RBFOX1: variants seen among roughly 807,000 people sequenced by gnomAD.
The protein encoded by RBFOX1 is RNA binding fox-1 homolog 1.
A neutral mutation model predicts 57.7 loss-of-function variants in RBFOX1; 8 were observed. That is an observed-to-expected ratio of 0.14 (90% CI 0.08 to 0.25). The LOEUF is 0.25. Ranked by LOEUF, RBFOX1 falls within the 10% of genes least tolerant of loss-of-function variation. The pLI is 1.00. For synonymous variants in RBFOX1, 326 were observed against 222.4 expected, an observed-to-expected ratio of 1.47 and a Z score of -4.15; for missense variants, 611 against 548.5, an observed-to-expected ratio of 1.11 and a Z score of -1.14.
chr16:5,547,351 C>A (rs570680322), intron 2 of RBFOX1, among the ~76,000 whole-genome samples: 32 of 152,244 alleles, frequency 2.1e-4, no homozygotes, highest in Admixed American at 5.9e-4. Context: ...CTAGAAACCA[C>A]CCAAATGTCT....
chr16:6,054,488 A>C (rs2095590588), intron 1 of RBFOX1, among the ~76,000 whole-genome samples: 1 of 152,168 alleles, frequency 6.6e-6, no homozygotes, highest in Admixed American at 6.5e-5. Flanking sequence ...CGGCTTTGAG[A>C]GTAAATGCGA....
intron 1 of RBFOX1, among the ~76,000 whole-genome samples, chr16:6,214,203 GT>G (rs2097316365): frequency 6.6e-6 from 1 of 152,128 alleles, no homozygotes; most frequent in Non-Finnish European, 1.5e-5. Context: ...TCTCTCTCAT[GT>G]TTCCCTTCTT....
chr16:6,614,322 G>C (rs1021417536), intron 2 of RBFOX1, among the ~76,000 whole-genome samples: 3 of 152,170 alleles, frequency 2.0e-5, no homozygotes, highest in Admixed American at 2.0e-4. Flanking sequence ...CTGCCCTCCA[G>C]CCATCTTTAA....
chr16:6,005,704 C>T (rs1467735670), intron 4 of RBFOX1, among the ~76,000 whole-genome samples: 1 of 152,172 alleles, frequency 6.6e-6, no homozygotes, highest in Non-Finnish European at 1.5e-5. Flanking sequence ...GGGGGAAAAA[C>T]ATTGCCCCTG....
intron 1 of RBFOX1, among the ~76,000 whole-genome samples, chr16:6,309,843 G>A (rs916685118): frequency 6.6e-6 from 1 of 152,202 alleles, no homozygotes; most frequent in Non-Finnish European, 1.5e-5. Flanking sequence ...GCATTTAAGT[G>A]CAATGTGTAA....
chr16:6,138,004 A>G (rs1366629000), intron 1 of RBFOX1, among the ~76,000 whole-genome samples: 1 of 152,212 alleles, frequency 6.6e-6, no homozygotes, highest in South Asian at 2.1e-4. Flanking sequence ...TCACAATCCA[A>G]CTTATCAGGA....
At chr16:7,212,247 T>C (rs2091282444) in intron 4 of RBFOX1, among the ~76,000 whole-genome samples, 1 of 152,168 alleles carries the variant, frequency 6.6e-6, no homozygotes, top group South Asian at 2.1e-4. Flanking sequence ...AAGCACAAGC[T>C]ACTAAATTTT....
At chr16:6,659,206 G>C (rs1420601446) in intron 3 of RBFOX1, among the ~76,000 whole-genome samples, 56 of 148,464 alleles carry the variant, frequency 3.8e-4, no homozygotes, top group Admixed American at 3.8e-3. Context: ...GGATCAGTCA[G>C]GGGGAGAATC....
At chr16:7,202,272 C>G (rs1288329418) in intron 4 of RBFOX1, among the ~76,000 whole-genome samples, 1 of 149,550 alleles carries the variant, frequency 6.7e-6, no homozygotes, top group Non-Finnish European at 1.5e-5. Context: ...GAGATACCAC[C>G]TCACACACAT....
intron 3 of RBFOX1, among the ~76,000 whole-genome samples, chr16:6,847,575 C>T (rs1001478800): frequency 2.0e-5 from 3 of 151,588 alleles, no homozygotes; most frequent in Non-Finnish European, 4.4e-5. Flanking sequence ...CATGGTCAGT[C>T]GCTGAAAAGT....
At chr16:7,477,572 G>T (rs1441506107) in intron 4 of RBFOX1, among the ~76,000 whole-genome samples, 4 of 152,124 alleles carry the variant, frequency 2.6e-5, no homozygotes, top group Admixed American at 1.3e-4. Flanking sequence ...ACAGATTCCG[G>T]CTGGCTCCAT....
At chr16:5,481,881 G>A (rs1366261543) in intron 2 of RBFOX1, among the ~76,000 whole-genome samples, 1 of 152,164 alleles carries the variant, frequency 6.6e-6, no homozygotes, top group Non-Finnish European at 1.5e-5. Flanking sequence ...ATCAAAGGAT[G>A]CCAGTAGGAT....
At chr16:6,833,425 C>A (rs1006042556) in intron 3 of RBFOX1, among the ~76,000 whole-genome samples, 14 of 152,138 alleles carry the variant, frequency 9.2e-5, no homozygotes, top group Admixed American at 2.0e-4. Context: ...CCTCGGCTTC[C>A]CAAAGTGTTG....
At chr16:7,634,321 C>G (rs2061426029) in intron 11 of RBFOX1, among the ~76,000 whole-genome samples, 1 of 151,714 alleles carries the variant, frequency 6.6e-6, no homozygotes, top group South Asian at 2.1e-4. Context: ...CAAGATAACT[C>G]TGGAGCTTCG....
intron 3 of RBFOX1, among the ~76,000 whole-genome samples, chr16:6,691,823 C>T (rs187716894): frequency 1.3e-5 from 2 of 152,258 alleles, no homozygotes; most frequent in African/African-American, 4.8e-5. Context: ...TCCCAAGGGT[C>T]CTTGAAAGCT....
intron 3 of RBFOX1, among the ~76,000 whole-genome samples, chr16:7,016,031 A>G (rs916864404): frequency 2.6e-5 from 4 of 152,136 alleles, no homozygotes; most frequent in East Asian, 1.9e-4. Flanking sequence ...TGGAAAGACT[A>G]CACTTCCTAG....
chr16:7,604,083 A>C (rs748515757), intron 9 of RBFOX1, among the ~76,000 whole-genome samples: 1 of 152,176 alleles, frequency 6.6e-6, no homozygotes, highest in Non-Finnish European at 1.5e-5. Context: ...TGGATCACAC[A>C]TGGGGTATGA....
rs199498782 is a variant in RBFOX1 at position 7,203,091 on chromosome 16, A to G, written c.27+150993A>G. Reference sequence around the variant, plus strand: ...GTGAGCCACTGCACCCAGCCAAAGAAATGTTTTTACACTCATATTCATAAC... The same window carrying G: ...GTGAGCCACTGCACCCAGCCAAAGAGATGTTTTTACACTCATATTCATAAC... On this transcript the variant is annotated intron_variant, in intron 4 of 15. Coordinates refer to ENST00000550418, the MANE Select transcript of RBFOX1 (RefSeq NM_018723.4). Among the ~76,000 whole-genome samples the G allele has an allele frequency of 1.4e-4, 22 of 152,248 alleles. No individual in the cohort carries two copies. In the East Asian group the frequency reaches 4.3e-3, roughly 29 times the overall value.
At chr16:5,415,807 G>A (rs1259903307) in intron 1 of RBFOX1, among the ~76,000 whole-genome samples, 1 of 152,204 alleles carries the variant, frequency 6.6e-6, no homozygotes, top group Non-Finnish European at 1.5e-5. Flanking sequence ...TGACAGTGGT[G>A]AAAGAATGTC....
Sources: allele counts gnomAD v4.1 joint callset (sites outside exome capture counted in the v4.1 genomes callset), GRCh38; gene constraint gnomAD v4.1.1; transcripts MANE v1.5; gene names NCBI Gene and HGNC (gene_info 2026-07-23, HGNC 2026-07-21).